The following PPP2R3A variants were observed in gnomAD, a reference collection of about 807,000 sequenced individuals.
PPP2R3A encodes the protein protein phosphatase 2 regulatory subunit B''alpha.
A neutral mutation model predicts 106.9 loss-of-function variants in PPP2R3A; 80 were observed. That is an observed-to-expected ratio of 0.75 (90% CI 0.62 to 0.90). The LOEUF is 0.90. Among genes scored for constraint, PPP2R3A ranks in the 40% least tolerant of loss-of-function variants. PPP2R3A has a pLI of 0.00. For missense variants in PPP2R3A, 1,386 were observed against 1,350.4 expected, an observed-to-expected ratio of 1.03 and a Z score of -0.41; for synonymous variants, 483 against 468.3, an observed-to-expected ratio of 1.03 and a Z score of -0.41.
intron 1 of PPP2R3A, among the ~76,000 whole-genome samples, chr3:135,981,055 A>G (rs1200949986): frequency 6.6e-6 from 1 of 151,960 alleles, no homozygotes; most frequent in Non-Finnish European, 1.5e-5. Context: ...TTGGATAACC[A>G]GATGCCTATG....
At chr3:136,013,176 GTGTGTGTA>G (rs1200170704) in intron 2 of PPP2R3A, among the ~76,000 whole-genome samples, 38 of 123,398 alleles carry the variant, frequency 3.1e-4, no homozygotes, top group South Asian at 5.9e-4. Context: ...GTGTGTGTGT[GTGTGTGTA>G]TGTATGTATG....
At chr3:136,072,879 C>A (rs993094599) in intron 6 of PPP2R3A, among the ~76,000 whole-genome samples, 1 of 151,922 alleles carries the variant, frequency 6.6e-6, no homozygotes, top group Non-Finnish European at 1.5e-5. Context: ...TCTTAATGAA[C>A]GCATAGTTTG....
chr3:136,030,280 A>G (rs1250497527), intron 3 of PPP2R3A, among the ~76,000 whole-genome samples: 1 of 150,214 alleles, frequency 6.7e-6, no homozygotes, highest in Non-Finnish European at 1.5e-5. Context: ...GGGGATGTGT[A>G]TATAATTACC....
chr3:136,042,248 CTA>C (rs1935313129), intron 4 of PPP2R3A, among the ~76,000 whole-genome samples: 1 of 151,846 alleles, frequency 6.6e-6, no homozygotes, highest in African/African-American at 2.4e-5. Flanking sequence ...ACTAAAGAGT[CTA>C]TGTTGGTGGA....
chr3:136,093,334 G>C (rs1369741108), intron 10 of PPP2R3A, among the ~76,000 whole-genome samples: 1 of 152,130 alleles, frequency 6.6e-6, no homozygotes, highest in Non-Finnish European at 1.5e-5. Flanking sequence ...ACTTGAGCCT[G>C]GGAGGCAGAG....
intron 13 of PPP2R3A, among the ~76,000 whole-genome samples, chr3:136,144,708 G>A (rs1939034885): frequency 6.6e-6 from 1 of 151,696 alleles, no homozygotes; most frequent in South Asian, 2.1e-4. Context: ...CTTTTAATAA[G>A]GTCAAGTAAT....
intron 1 of PPP2R3A, among the ~76,000 whole-genome samples, chr3:135,970,337 T>A (rs992423201): frequency 6.6e-6 from 1 of 152,216 alleles, no homozygotes; most frequent in Non-Finnish European, 1.5e-5. Flanking sequence ...CCATGTTTTT[T>A]ATTAAATGAG....
chr3:136,125,996 G>A (rs765486863), intron 13 of PPP2R3A, among the ~76,000 whole-genome samples: 1 of 152,144 alleles, frequency 6.6e-6, no homozygotes, highest in Non-Finnish European at 1.5e-5. Context: ...TCACAGTTAT[G>A]GTTAAAAGAA....
intron 5 of PPP2R3A, among the ~76,000 whole-genome samples, chr3:136,065,707 C>T (rs997285970): frequency 3.3e-5 from 5 of 152,136 alleles, no homozygotes; most frequent in African/African-American, 4.8e-5. Context: ...AGGAGGATCT[C>T]GCTCTGTTTC....
intron 2 of PPP2R3A, among the ~76,000 whole-genome samples, chr3:136,013,078 C>T (rs1171148988): frequency 1.3e-5 from 2 of 152,000 alleles, no homozygotes. Context: ...ACTTCACCTA[C>T]AATAGTAGTC....
At chr3:136,090,031 A>G (rs963158309) in intron 9 of PPP2R3A, among the ~76,000 whole-genome samples, 1 of 152,162 alleles carries the variant, frequency 6.6e-6, no homozygotes, top group Non-Finnish European at 1.5e-5. Context: ...TTTTCTAGGT[A>G]TAGAATCATG....
At chr3:135,992,324 C>T (rs751787534) in intron 1 of PPP2R3A, among the ~76,000 whole-genome samples, 3 of 152,110 alleles carry the variant, frequency 2.0e-5, no homozygotes, top group Non-Finnish European at 4.4e-5. Context: ...GTTTTCAAGA[C>T]AATTTTCTAC....
Position 136,137,534 on chromosome 3 carries a change from A to ATTTT in PPP2R3A, c.3330-7487_3330-7484dup, listed in dbSNP as rs59086929. 2.1e-3 allele frequency among the ~76,000 whole-genome samples: 87 copies of ATTTT among 40,536 alleles called. 15 individuals carry two copies. The highest frequency in any genetic ancestry group is 2.5e-3 in the Non-Finnish European group (53 of 21,208). The allele number at this position is 40,536 out of a possible 152,430, so 26.6% of individuals were successfully genotyped here. On this transcript the variant is annotated intron_variant, in intron 13 of 13. Coordinates refer to ENST00000264977, the MANE Select transcript of PPP2R3A (RefSeq NM_002718.5). ...AAATATATGAATTACTCTGTCAGAGATTTTTTTTTTTTTTTTTTTTTTTTT... is the reference window on the plus strand; with the variant it reads ...AAATATATGAATTACTCTGTCAGAGATTTTTTTTTTTTTTTTTTTTTTTTTTTTT...
At chr3:136,036,169 G>T (rs757177102) in intron 3 of PPP2R3A, among the ~76,000 whole-genome samples, 2 of 151,820 alleles carry the variant, frequency 1.3e-5, no homozygotes, top group Non-Finnish European at 2.9e-5. Context: ...CCTTTCTCTG[G>T]TGCCTCCCTG....
intron 1 of PPP2R3A, among the ~76,000 whole-genome samples, chr3:135,987,429 A>T (rs973442979): frequency 2.6e-5 from 4 of 152,146 alleles, no homozygotes; most frequent in African/African-American, 9.7e-5. Context: ...CAAATCTTTT[A>T]TAATGGGCCA....
intron 9 of PPP2R3A, among the ~76,000 whole-genome samples, chr3:136,088,443 C>G (rs1228570177): frequency 6.6e-6 from 1 of 152,208 alleles, no homozygotes; most frequent in African/African-American, 2.4e-5. Flanking sequence ...ATTTTTATGG[C>G]TGCATAGTAT....
intron 1 of PPP2R3A, among the ~76,000 whole-genome samples, chr3:135,995,198 C>G (rs893833184): frequency 2.6e-5 from 4 of 152,104 alleles, no homozygotes; most frequent in Non-Finnish European, 5.9e-5. Flanking sequence ...TGCCACAGAC[C>G]TGAGGTGCAT....
intron 2 of PPP2R3A, among the ~76,000 whole-genome samples, chr3:136,008,971 A>C: frequency 6.6e-6 from 1 of 151,022 alleles, no homozygotes; most frequent in South Asian, 2.1e-4. Flanking sequence ...ATCACCCCCC[A>C]TCCCCCACCC....
At chr3:136,020,504 A>G (rs924608174) in intron 2 of PPP2R3A, among the ~76,000 whole-genome samples, 1 of 152,050 alleles carries the variant, frequency 6.6e-6, no homozygotes, top group Non-Finnish European at 1.5e-5. Context: ...AACTTCAGTG[A>G]TTTTTCTCTT....
Sources: allele counts gnomAD v4.1 joint callset (sites outside exome capture counted in the v4.1 genomes callset), GRCh38; gene constraint gnomAD v4.1.1; transcripts MANE v1.5; gene names NCBI Gene and HGNC (gene_info 2026-07-23, HGNC 2026-07-21).